The following PLCL2 variants were observed in gnomAD, a reference collection of about 807,000 sequenced individuals.
The protein encoded by PLCL2 is phospholipase C like 2.
In PLCL2, 4 loss-of-function variants were observed where a neutral mutation model predicts 79.6. The ratio of observed to expected loss-of-function variants is 0.05; its 90% CI spans 0.02 to 0.11. The LOEUF (loss-of-function observed/expected upper bound fraction) is 0.11. Among genes scored for constraint, PLCL2 ranks in the 10% least tolerant of loss-of-function variants. The pLI is 1.00. For missense variants in PLCL2, 895 were observed against 1,291.0 expected (o/e 0.69, Z 4.70); for synonymous variants, 484 against 457.7 (o/e 1.06, Z -0.73).
At chr3:16,965,237 T>A (rs1157688714) in intron 1 of PLCL2, among the ~76,000 whole-genome samples, 1 of 152,228 alleles carries the variant, frequency 6.6e-6, no homozygotes, top group African/African-American at 2.4e-5. Flanking sequence ...TTTCTCCATA[T>A]GGCTAGCCAG....
intron 4 of PLCL2, among the ~76,000 whole-genome samples, chr3:17,065,335 G>T (rs2064999046): frequency 6.6e-6 from 1 of 152,020 alleles, no homozygotes; most frequent in Non-Finnish European, 1.5e-5. Flanking sequence ...CAACTCTGTT[G>T]CATCTTCAAG....
At chr3:16,949,530 G>C (rs1474109145) in intron 1 of PLCL2, among the ~76,000 whole-genome samples, 1 of 152,058 alleles carries the variant, frequency 6.6e-6, no homozygotes, top group East Asian at 1.9e-4. Flanking sequence ...TTAGTCTTCT[G>C]TCTCATAGGA....
intron 3 of PLCL2, among the ~76,000 whole-genome samples, chr3:17,034,395 A>G (rs1421175214): frequency 2.6e-5 from 4 of 152,212 alleles, no homozygotes; most frequent in African/African-American, 9.6e-5. Context: ...GAATGAATGA[A>G]TATAAGTTAT....
At chr3:16,977,828 G>T (rs1396067025) in intron 1 of PLCL2, among the ~76,000 whole-genome samples, 1 of 152,166 alleles carries the variant, frequency 6.6e-6, no homozygotes, top group South Asian at 2.1e-4. Context: ...AGGGTGGAAA[G>T]TCCAAGATCT....
chr3:17,090,272 T>TAA lies in PLCL2; in HGVS notation c.*360_*361insAA. 1 of 964,260 alleles carries TAA rather than the reference T, an allele frequency of 1.0e-6. No homozygotes were observed. Among genetic ancestry groups the TAA allele is most frequent in the Non-Finnish European group, 1.2e-6 (1 of 818,106 alleles). The allele number at this position is 964,260 out of a possible 1,614,324, so 59.7% of individuals were successfully genotyped here. A position where few individuals can be genotyped will look rare whatever the true frequency, so the allele number is the denominator to read the frequency against. On this transcript the variant is annotated 3_prime_UTR_variant, in exon 6 of 6. Coordinates refer to ENST00000615277, the MANE Select transcript of PLCL2 (RefSeq NM_001144382.2). Reference sequence around the variant, plus strand: ...ATGGATTGGATTGTCAAATTATTATTTATTGGAGAAAAAAACCTGATCTAC... The same window carrying TAA: ...ATGGATTGGATTGTCAAATTATTATTAATATTGGAGAAAAAAACCTGATCTAC...
chr3:17,027,090 T>G (rs189427487), intron 3 of PLCL2, among the ~76,000 whole-genome samples: 1 of 152,290 alleles, frequency 6.6e-6, no homozygotes, highest in Admixed American at 6.5e-5. Context: ...TATCGTAATA[T>G]GTGTTTATTC....
intron 1 of PLCL2, among the ~76,000 whole-genome samples, chr3:16,955,750 T>A (rs952243330): frequency 4.6e-5 from 7 of 152,204 alleles, no homozygotes; most frequent in Admixed American, 4.6e-4. Context: ...TCCCATCCCT[T>A]GTAAGCTGGA....
chr3:17,053,109 C>T (rs531562545), intron 4 of PLCL2, among the ~76,000 whole-genome samples: 3 of 152,236 alleles, frequency 2.0e-5, no homozygotes, highest in African/African-American at 4.8e-5. Context: ...AGTCTGTTCT[C>T]GTACTGCTAT....
At chr3:17,081,487 A>C in intron 5 of PLCL2, 1 of 278,618 alleles carries the variant, frequency 3.6e-6, no homozygotes. Flanking sequence ...AATTAGCCAG[A>C]TGTAGAATCC....
chr3:16,888,724 A>G (rs957863252), intron 1 of PLCL2, among the ~76,000 whole-genome samples: 1 of 152,260 alleles, frequency 6.6e-6, no homozygotes, highest in Non-Finnish European at 1.5e-5. Flanking sequence ...TTTTAATTCA[A>G]GAGCCTGGTC....
At chr3:17,033,055 C>A (rs1460331741) in intron 3 of PLCL2, among the ~76,000 whole-genome samples, 2 of 152,098 alleles carry the variant, frequency 1.3e-5, no homozygotes, top group Non-Finnish European at 1.5e-5. Flanking sequence ...AGGATTTTAT[C>A]TGAAATGTAG....
chr3:16,933,484 C>T (rs1399060807), intron 1 of PLCL2, among the ~76,000 whole-genome samples: 1 of 152,270 alleles, frequency 6.6e-6, no homozygotes, highest in East Asian at 1.9e-4. Flanking sequence ...CCTTTCTCCC[C>T]ATTTTGACTT....
chr3:17,028,971 A>G (rs551036504), intron 3 of PLCL2, among the ~76,000 whole-genome samples: 1 of 152,068 alleles, frequency 6.6e-6, no homozygotes, highest in Non-Finnish European at 1.5e-5. Context: ...TGTCTTTCCC[A>G]TATGTCCCTG....
At chr3:16,943,323 A>G (rs2063569134) in intron 1 of PLCL2, among the ~76,000 whole-genome samples, 1 of 152,216 alleles carries the variant, frequency 6.6e-6, no homozygotes, top group African/African-American at 2.4e-5. Context: ...TTCCATTGAC[A>G]AATGGCCTCC....
chr3:16,962,856 G>A (rs1351471090), intron 1 of PLCL2, among the ~76,000 whole-genome samples: 1 of 152,092 alleles, frequency 6.6e-6, no homozygotes, highest in Non-Finnish European at 1.5e-5. Context: ...ATACGTGTGT[G>A]TTTATACATA....
chr3:17,069,537 CG>C (rs1217905388), intron 5 of PLCL2, among the ~76,000 whole-genome samples: 2 of 152,058 alleles, frequency 1.3e-5, no homozygotes, highest in East Asian at 3.9e-4. Flanking sequence ...TCAGAGAAAC[CG>C]TGAGCCTGCT....
At chr3:16,950,790 A>T (rs1281832948) in intron 1 of PLCL2, among the ~76,000 whole-genome samples, 1 of 152,108 alleles carries the variant, frequency 6.6e-6, no homozygotes, top group Non-Finnish European at 1.5e-5. Flanking sequence ...TAACACAATC[A>T]TATGGTTTTT....
chr3:16,936,994 T>C (rs1303148657), intron 1 of PLCL2, among the ~76,000 whole-genome samples: 1 of 152,180 alleles, frequency 6.6e-6, no homozygotes, highest in Non-Finnish European at 1.5e-5. Flanking sequence ...GTTTGTGTTA[T>C]AGGATGTTTA....
At chr3:16,931,455 T>C (rs1276913841) in intron 1 of PLCL2, among the ~76,000 whole-genome samples, 1 of 152,222 alleles carries the variant, frequency 6.6e-6, no homozygotes, top group Admixed American at 6.5e-5. Context: ...CACGTAAATG[T>C]TCTGTTCCTA....
Sources: gnomAD v4.1 joint callset for allele counts (sites outside exome capture counted in the v4.1 genomes callset) on GRCh38, gnomAD v4.1.1 for gene constraint, MANE v1.5 for transcripts, NCBI Gene and HGNC (gene_info 2026-07-23, HGNC 2026-07-21) for gene names.